DMXL1: variants seen among roughly 807,000 people sequenced by gnomAD.
The protein encoded by DMXL1 is dmX-like protein 1.
In DMXL1, 99 loss-of-function variants were observed where a neutral mutation model predicts 319.2. The ratio of observed to expected loss-of-function variants is 0.31; its 90% confidence interval spans 0.26 to 0.37. DMXL1 has a LOEUF of 0.37. Among genes scored for constraint, DMXL1 ranks in the 10% least tolerant of loss-of-function variants. The pLI is 1.00. For missense variants in DMXL1, 3,745 were observed against 3,595.6 expected (o/e 1.04, Z -1.06); for synonymous variants, 1,385 against 1,235.2 (o/e 1.12, Z -2.54).
chr5:119,178,337 G>A lies in DMXL1; in HGVS notation c.7135+93G>A, dbSNP rs1396547371. ...TTACATTTTAATTTAGTTATAGAAA[G>A]TTCTGGTTAGAGACCATTTGCGAAA... On this transcript the variant is annotated intron_variant, in intron 28 of 43. Transcript: ENST00000539542. 4.3e-6 allele frequency: 6 copies of A among 1,400,598 alleles called. No homozygotes were observed. In the East Asian group the frequency reaches 9.3e-5, roughly 22 times the overall value. 86.8% of individuals were successfully genotyped at this position (1,400,598 alleles called of 1,614,324 possible). A position where few individuals can be genotyped will look rare whatever the true frequency, so the allele number is the denominator to read the frequency against.
intron 7 of DMXL1, among the ~76,000 whole-genome samples, chr5:119,118,359 C>G (rs953913137): frequency 6.6e-6 from 1 of 152,144 alleles, no homozygotes; most frequent in Non-Finnish European, 1.5e-5. Context: ...CTCAATAAAT[C>G]AGAAAATCTT....
chr5:119,230,843 T>C (rs1000221721), intron 38 of DMXL1, among the ~76,000 whole-genome samples: 1 of 152,060 alleles, frequency 6.6e-6, no homozygotes, highest in African/African-American at 2.4e-5. Context: ...GATCACACGA[T>C]TGCACTCCAG....
intron 9 of DMXL1, among the ~76,000 whole-genome samples, chr5:119,121,440 GT>G (rs1762033333): frequency 6.6e-6 from 1 of 152,012 alleles, no homozygotes; most frequent in South Asian, 2.1e-4. Flanking sequence ...CTTCCGCTGT[GT>G]TTGTGTCCCT....
At position 119,133,940 on chromosome 5, in the gene DMXL1, T is replaced by A; in HGVS notation, c.2016T>A (p.Pro672=). 1 of 1,614,160 alleles carries A rather than the reference T, an allele frequency of 6.2e-7. No individual in the cohort carries two copies. The highest frequency in any genetic ancestry group is 8.5e-7 in the Non-Finnish European group (1 of 1,179,992). The change falls in exon 12 of 44, where the codon CCT becomes CCA. Residue 672 remains proline (P), a synonymous_variant. Coordinates refer to ENST00000539542, the MANE Select transcript of DMXL1 (RefSeq NM_001290321.3). ...RTPDVDNPEQ[P]FDALNIEECS... The stretch of plus-strand genomic sequence containing the variant: ...CAGATGTTGATAACCCAGAGCAACC[T>A]TTTGATGCTCTAAATATTGAAGAAT...
intron 3 of DMXL1, chr5:119,102,302 C>T (rs1757439573): frequency 4.3e-6 from 1 of 234,756 alleles, no homozygotes; most frequent in Non-Finnish European, 8.2e-6. Flanking sequence ...TTGCTAGTAT[C>T]AAATACCGTT....
chr5:119,240,592 C>A, intron 42 of DMXL1, 121 bp downstream of exon 42: 2 of 715,098 alleles, frequency 2.8e-6, no homozygotes, highest in South Asian at 2.1e-5. Flanking sequence ...ATTTCTTTTG[C>A]CCAGGATGGC....
At chr5:119,228,451 T>C (rs1191240247) in intron 38 of DMXL1, among the ~76,000 whole-genome samples, 2 of 152,178 alleles carry the variant, frequency 1.3e-5, no homozygotes, top group Non-Finnish European at 2.9e-5. Context: ...TAACTGAAAG[T>C]ATGGCTGATA....
chr5:119,244,285 C>T, intron 42 of DMXL1, 74 bp from the exon 43 acceptor site: 1 of 1,213,398 alleles, frequency 8.2e-7, no homozygotes, highest in Non-Finnish European at 1.1e-6. Context: ...TCTATTATTT[C>T]ACTTTAGCCA....
At chr5:119,173,698 G>GTGTGTA (rs1416089635) in intron 25 of DMXL1, among the ~76,000 whole-genome samples, 1 of 55,852 alleles carries the variant, frequency 1.8e-5, no homozygotes, top group Non-Finnish European at 4.8e-5. Flanking sequence ...GTGTGTGTGT[G>GTGTGTA]TATATATATA....
At chr5:119,093,349 T>G (rs1755217581) in intron 1 of DMXL1, among the ~76,000 whole-genome samples, 1 of 152,184 alleles carries the variant, frequency 6.6e-6, no homozygotes, top group Non-Finnish European at 1.5e-5. Context: ...TTGGCCAGGC[T>G]GGTCTTGAAC....
At chr5:119,209,647 C>T (rs1025594958) in intron 34 of DMXL1, among the ~76,000 whole-genome samples, 11 of 152,146 alleles carry the variant, frequency 7.2e-5, no homozygotes, top group African/African-American at 2.4e-4. Context: ...CATGCCCAGC[C>T]TTGCATCACA....
chr5:119,168,508 T>C (rs1773886668), intron 23 of DMXL1, among the ~76,000 whole-genome samples: 1 of 152,342 alleles, frequency 6.6e-6, no homozygotes, highest in South Asian at 2.1e-4. Context: ...GGAATACTAA[T>C]TGGAAAAGGG....
At chr5:119,186,770 T>C (rs1347770737) in intron 28 of DMXL1, among the ~76,000 whole-genome samples, 2 of 152,160 alleles carry the variant, frequency 1.3e-5, no homozygotes, top group Non-Finnish European at 2.9e-5. Flanking sequence ...GTTACTTTTA[T>C]AATTCTTAGA....
In DMXL1 at chr5:119,148,884, T is replaced by G. The variant is rs1581019268; in HGVS notation, c.3057T>G (p.Leu1019=). ...CGTCAAAGAATGGAAAAATTGATCT[T>G]GCATACATTTGGGAAGAATGGCCAT... ...SATSKNGKID[L]AYIWEEWPLL... Residue 1019 remains leucine, a synonymous_variant, in exon 18 of 44, where the codon CTT becomes CTG. Transcript: ENST00000539542. The G allele has an allele frequency of 1.1e-5, 17 of 1,613,824 alleles. No homozygotes were observed. In the East Asian group the frequency reaches 3.8e-4, roughly 36 times the overall value.
chr5:119,132,306 A>T (rs896971731), intron 10 of DMXL1, among the ~76,000 whole-genome samples: 4 of 152,186 alleles, frequency 2.6e-5, no homozygotes, highest in Non-Finnish European at 5.9e-5. Flanking sequence ...TAAAAGTATT[A>T]TTGTCATCTA....
At chr5:119,146,561 T>C (rs565598449) in intron 15 of DMXL1, among the ~76,000 whole-genome samples, 1 of 152,128 alleles carries the variant, frequency 6.6e-6, no homozygotes, top group South Asian at 2.1e-4. Flanking sequence ...TTCCTACTTC[T>C]TATGGTTTAA....
At chr5:119,162,220 G>C (rs1470212762) in intron 19 of DMXL1, among the ~76,000 whole-genome samples, 1 of 152,172 alleles carries the variant, frequency 6.6e-6, no homozygotes, top group East Asian at 1.9e-4. Context: ...GTTTTTGTTT[G>C]GTTCTGTGGT....
intron 32 of DMXL1, 57 bp from the exon 33 acceptor site, chr5:119,203,262 T>C (rs1221145761): frequency 1.8e-6 from 2 of 1,127,134 alleles, no homozygotes; most frequent in East Asian, 2.5e-5. Context: ...GGAATTGTTA[T>C]CAAGTTAGTC....
intron 7 of DMXL1, among the ~76,000 whole-genome samples, chr5:119,117,387 A>T (rs1249044433): frequency 6.6e-6 from 1 of 151,990 alleles, no homozygotes; most frequent in East Asian, 1.9e-4. Flanking sequence ...TGGCCACACC[A>T]TGTGGCATTT....
Sources: allele counts gnomAD v4.1 joint callset (sites outside exome capture counted in the v4.1 genomes callset), GRCh38; gene constraint gnomAD v4.1.1; transcripts MANE v1.5; gene names NCBI Gene and HGNC (gene_info 2026-07-23, HGNC 2026-07-21).